The following ANXA11 variants were observed in gnomAD, a reference collection of about 807,000 sequenced individuals.
ANXA11 encodes the protein annexin A11.
In ANXA11, 57 loss-of-function variants were observed where a neutral mutation model predicts 64.7. The ratio of observed to expected loss-of-function variants is 0.88; its 90% CI spans 0.71 to 1.10. The LOEUF (loss-of-function observed/expected upper bound fraction) is 1.10. ANXA11 is among the 50% of genes least tolerant of loss of function. ANXA11 has a pLI of 0.00. For synonymous variants in ANXA11, 260 were observed against 265.2 expected, an observed-to-expected ratio of 0.98 and a Z score of 0.19; for missense variants, 675 against 670.7, an observed-to-expected ratio of 1.01 and a Z score of -0.07.
intron 12 of ANXA11, among the ~76,000 whole-genome samples, chr10:80,161,627 T>C (rs1014046886): frequency 1.3e-5 from 2 of 152,228 alleles, no homozygotes; most frequent in African/African-American, 4.8e-5. Flanking sequence ...TTATGACTGT[T>C]TCTTATGCCA....
intron 1 of ANXA11, among the ~76,000 whole-genome samples, chr10:80,185,148 G>A (rs536043585): frequency 2.2e-4 from 33 of 152,318 alleles, no homozygotes; most frequent in Middle Eastern, 3.4e-3. Context: ...AACCCACCTG[G>A]TGCATGACAG....
intron 2 of ANXA11, among the ~76,000 whole-genome samples, chr10:80,174,430 T>C (rs1480546513): frequency 1.3e-5 from 2 of 151,766 alleles, no homozygotes; most frequent in African/African-American, 4.8e-5. Context: ...GCGCCCGCCA[T>C]CATGTCTGGC....
At chr10:80,191,337 G>A (rs1332074399) in intron 1 of ANXA11, among the ~76,000 whole-genome samples, 2 of 152,270 alleles carry the variant, frequency 1.3e-5, no homozygotes, top group South Asian at 2.1e-4. Context: ...GCAGTGAGCC[G>A]AGATTGTGCT....
chr10:80,166,142 A>G lies in ANXA11; in HGVS notation c.800T>C (p.Leu267Ser). ...ELSGNFEKTI[L>S]ALMKTPVLFD... ...GAGGACTGGGGTCTTCATCAGAGCC[A>G]AGATTGTCTTCTCAAAGTTTCCTGA... Residue 267 changes from leucine (L) to serine (S), a missense_variant, in exon 8 of 16, where the codon TTG becomes TCG. Coordinates refer to ENST00000422982, the MANE Select transcript of ANXA11 (RefSeq NM_145868.2). 1 of 1,613,824 alleles carries G rather than the reference A, an allele frequency of 6.2e-7. No individual in the cohort carries two copies. The highest frequency in any genetic ancestry group is 8.5e-7 in the Non-Finnish European group (1 of 1,179,802).
At position 80,183,184 on chromosome 10, in the gene ANXA11, T is replaced by A. The variant is rs142789003; in HGVS notation, c.-57-7029A>T. Among the ~76,000 whole-genome samples the A allele has an allele frequency of 4.8e-3, 738 of 152,270 alleles. 4 individuals are homozygous for A. Among genetic ancestry groups the A allele is most frequent in the Middle Eastern group, 6.8e-3 (2 of 294 alleles). On this transcript the variant is annotated intron_variant, in intron 1 of 15. Coordinates refer to ENST00000422982, the MANE Select transcript of ANXA11 (RefSeq NM_145868.2). The stretch of plus-strand genomic sequence containing the variant: ...GGCAGGAGAGAGGGAGGCACCAGGC[T>A]AGAGCAAGGTGCAGACAAGGGCCTG...
At chr10:80,198,235 T>C (rs184651165) in intron 1 of ANXA11, among the ~76,000 whole-genome samples, 595 of 152,352 alleles carry the variant, frequency 3.9e-3, no homozygotes, top group Non-Finnish European at 6.6e-3. Context: ...AGCATAGTAG[T>C]AGTTTCAAAT....
intron 2 of ANXA11, among the ~76,000 whole-genome samples, chr10:80,175,315 C>T (rs116606266): frequency 0.012 from 1,861 of 152,222 alleles, 41 homozygotes; most frequent in African/African-American, 0.043. Flanking sequence ...CAGGAAGAGC[C>T]GGGATGGTGT....
intron 1 of ANXA11, chr10:80,180,804 A>T (rs1846329674): frequency 1.3e-5 from 2 of 152,228 alleles, no homozygotes; most frequent in African/African-American, 4.8e-5. Context: ...CTGCAAACTT[A>T]ATGGTCAATA....
At chr10:80,203,743 T>G (rs908266739) in intron 1 of ANXA11, among the ~76,000 whole-genome samples, 3 of 152,178 alleles carry the variant, frequency 2.0e-5, no homozygotes, top group African/African-American at 7.2e-5. Flanking sequence ...TCCCTCCTGC[T>G]GGGAGCAGGC....
Position 80,157,980 on chromosome 10 carries a change from T to C in ANXA11, c.1322A>G (p.Asn441Ser). 1 of 1,614,134 alleles carries C rather than the reference T, an allele frequency of 6.2e-7. No individual in the cohort carries two copies. The highest frequency in any genetic ancestry group is 2.2e-5 in the East Asian group (1 of 44,878). ...NTPAFFAERL[N>S]KAMRGAGTKD... ...GAAGTTACATACCCTCATGGCCTTG[T>C]TGAGCCTCTCCGCAAAGAAGGCTGG... Residue 441 changes from asparagine to serine, a missense_variant, in exon 14 of 16, where the codon AAC becomes AGC. Transcript: ENST00000422982.
chr10:80,162,365 C>G (rs12257082), intron 11 of ANXA11, among the ~76,000 whole-genome samples: 19,530 of 152,222 alleles, frequency 0.13, 1,387 homozygotes, highest in South Asian at 0.24. Flanking sequence ...GAGCCCCAGG[C>G]GTGTCCAGCC....
rs879281219 is a variant in ANXA11 at position 80,163,408 on chromosome 10, G to C, written c.1030-3C>G. On this transcript the variant is annotated splice_polypyrimidine_tract_variant and splice_region_variant and intron_variant, in intron 10 of 15. Transcript: ENST00000422982. ...TTTGTGCTTTCATCACGGTTTCCCT[G>C]AAAGGAAGCAGGTGTATGGTCATGC... 21 of 1,613,958 alleles carry C rather than the reference G, an allele frequency of 1.3e-5. No individual in the cohort carries two copies. The highest frequency in any genetic ancestry group is 1.7e-5 in the Non-Finnish European group (20 of 1,180,048).
At position 80,154,898 on chromosome 10, in the gene ANXA11, GCAAC is replaced by G. The variant is rs891519906; in HGVS notation, c.*951_*954del. ...ACCTTCAGTGGACTTCACTGCACCT[GCAAC>G]CAACCAAGATCCCTTTGCCTTTCAG... is the stretch of plus-strand genomic sequence containing the variant. On this transcript the variant is annotated 3_prime_UTR_variant, in exon 16 of 16. Transcript: ENST00000422982. 3.3e-5 allele frequency: 5 copies of G among 152,300 alleles called. No homozygotes were observed. The highest frequency in any genetic ancestry group is 9.7e-5 in the African/African-American group (4 of 41,446). 9.4% of individuals were successfully genotyped at this position (152,300 alleles called of 1,614,324 possible). A position where few individuals can be genotyped will look rare whatever the true frequency, so the allele number is the denominator to read the frequency against.
Position 80,163,566 on chromosome 10 carries a change from G to A in ANXA11, c.997C>T (p.His333Tyr), listed in dbSNP as rs1485412082. The change falls in exon 10 of 16, where the codon CAC becomes TAC. Residue 333 changes from histidine (H) to tyrosine (Y), a missense_variant. Transcript: ENST00000422982. Reference protein sequence around the residue: ...EEAIRSDTSGHFQRLLISLSQ... With the variant: ...EEAIRSDTSGYFQRLLISLSQ... ...AGAGAGATGAGGAGCCGCTGGAAGTGCCCTGATGTGTCGCTTCGAATGGCC... is the reference window on the plus strand; with the variant it reads ...AGAGAGATGAGGAGCCGCTGGAAGTACCCTGATGTGTCGCTTCGAATGGCC... 10 of 1,572,426 alleles carry A rather than the reference G, an allele frequency of 6.4e-6. No homozygotes were observed. The highest frequency in any genetic ancestry group is 1.4e-5 in the African/African-American group (1 of 73,894).
intron 1 of ANXA11, among the ~76,000 whole-genome samples, chr10:80,187,790 G>A (rs550785977): frequency 2.6e-5 from 4 of 152,230 alleles, no homozygotes; most frequent in African/African-American, 9.6e-5. Context: ...TGTCAATTGG[G>A]CACAAGTCCC....
In ANXA11 at chr10:80,166,908, G is replaced by C; in HGVS notation, c.726C>G (p.Phe242Leu). 6.2e-7 allele frequency: 1 copy of C among 1,608,146 alleles called. No homozygotes were observed. The highest frequency in any genetic ancestry group is 8.5e-7 in the Non-Finnish European group (1 of 1,177,904). ...AGCTCGCCTTGCCGTAAGCCGTCTTGAAGGAAAGTAGGATCTGCTGCCGCT... is the reference window on the plus strand; with the variant it reads ...AGCTCGCCTTGCCGTAAGCCGTCTTCAAGGAAAGTAGGATCTGCTGCCGCT... ...NKQRQQILLS[F>L]KTAYGKDLIK... The change falls in exon 7 of 16, where the codon TTC becomes TTG. Residue 242 changes from phenylalanine to leucine, a missense_variant. Transcript: ENST00000422982.
Position 80,172,846 on chromosome 10 carries a change from A to T in ANXA11, c.16T>A (p.Tyr6Asn), listed in dbSNP as rs765672412. 88 of 1,613,832 alleles carry T rather than the reference A, an allele frequency of 5.5e-5. No homozygotes were observed. Among genetic ancestry groups the T allele is most frequent in the Non-Finnish European group, 7.3e-5 (86 of 1,179,936 alleles). Residue 6 changes from tyrosine to asparagine, a missense_variant, in exon 3 of 16, where the codon TAT (tyrosine) becomes AAT (asparagine). By Grantham distance (143) the Tyr-to-Asn change is moderately radical. Transcript: ENST00000422982. The part of the protein sequence containing the change: MSYPG[Y>N]PPPPGGYPPA... ...GGGTAGCCACCTGGGGGCGGGGGAT[A>T]GCCAGGGTAGCTCATGGTTAGATCT... is the stretch of plus-strand genomic sequence containing the variant.
At chr10:80,167,814 G>A (rs1464347651) in intron 5 of ANXA11, among the ~76,000 whole-genome samples, 3 of 152,176 alleles carry the variant, frequency 2.0e-5, no homozygotes, top group Admixed American at 6.5e-5. Context: ...TGGTTCCCTC[G>A]CACTGTTCTC....
At chr10:80,195,311 C>A (rs1432664968) in intron 1 of ANXA11, among the ~76,000 whole-genome samples, 1 of 152,220 alleles carries the variant, frequency 6.6e-6, no homozygotes, top group African/African-American at 2.4e-5. Context: ...TGTCCCCAGT[C>A]AGCCGCATGC....
Sources: gnomAD v4.1 joint callset for allele counts (sites outside exome capture counted in the v4.1 genomes callset) on GRCh38, gnomAD v4.1.1 for gene constraint, MANE v1.5 for transcripts, NCBI Gene and HGNC (gene_info 2026-07-23, HGNC 2026-07-21) for gene names.